CSMD1: variants seen among roughly 807,000 people sequenced by gnomAD.
The protein encoded by CSMD1 is CUB and sushi domain-containing protein 1.
Under a neutral mutation model 417.5 loss-of-function variants are expected in CSMD1, and 213 were observed. That is an observed-to-expected ratio of 0.51 (90% CI 0.46 to 0.57). CSMD1 has a LOEUF of 0.57. Ranked by LOEUF, CSMD1 falls within the 20% of genes least tolerant of loss-of-function variation. CSMD1 has a pLI of 0.00. For synonymous variants in CSMD1, 2,862 were observed against 1,736.8 expected, an observed-to-expected ratio of 1.65 and a Z score of -16.11; for missense variants, 6,923 against 4,529.7, an observed-to-expected ratio of 1.53 and a Z score of -15.17.
chr8:3,694,453 G>A (rs1431125433), intron 7 of CSMD1, among the ~76,000 whole-genome samples: 1 of 152,160 alleles, frequency 6.6e-6, no homozygotes, highest in East Asian at 1.9e-4. Context: ...GCATACATGA[G>A]TCTGGGAAAG....
At chr8:4,578,823 A>AC (rs1180410396) in intron 2 of CSMD1, among the ~76,000 whole-genome samples, 12 of 150,728 alleles carry the variant, frequency 8.0e-5, no homozygotes, top group East Asian at 2.0e-4. Context: ...CAAAAAAAAA[A>AC]AAAAAACAAA....
At chr8:4,296,715 T>C (rs980228348) in intron 3 of CSMD1, among the ~76,000 whole-genome samples, 2 of 149,954 alleles carry the variant, frequency 1.3e-5, no homozygotes, top group Non-Finnish European at 1.5e-5. Context: ...TTTTTTTTTT[T>C]CTCCAGGGCT....
At chr8:4,320,934 C>G (rs1405338779) in intron 3 of CSMD1, among the ~76,000 whole-genome samples, 2 of 152,134 alleles carry the variant, frequency 1.3e-5, no homozygotes, top group African/African-American at 4.8e-5. Context: ...ATCCTCTCCT[C>G]CCAGTGTGAG....
chr8:3,178,888 A>G (rs1821108718), intron 37 of CSMD1, among the ~76,000 whole-genome samples: 1 of 152,118 alleles, frequency 6.6e-6, no homozygotes, highest in Admixed American at 6.5e-5. Flanking sequence ...CAGTCCTGAT[A>G]CCATTTGACG....
chr8:4,370,959 G>A (rs1243005381), intron 3 of CSMD1, among the ~76,000 whole-genome samples: 1 of 152,144 alleles, frequency 6.6e-6, no homozygotes, highest in Non-Finnish European at 1.5e-5. Flanking sequence ...ATCCATTGCT[G>A]GCGAGCTAGT....
At chr8:3,967,247 T>C (rs76509745) in intron 5 of CSMD1, among the ~76,000 whole-genome samples, 4,506 of 151,194 alleles carry the variant, frequency 0.03, 78 homozygotes, top group South Asian at 0.048. Flanking sequence ...TCTGATCTAA[T>C]TCTTCTGCTT....
rs547291083 is a variant in CSMD1 at position 4,564,141 on chromosome 8, C to T, written c.302+73201G>A. ...ATATTTATATTCTATAAAATGAACA[C>T]GTATAAAAGGTTCAGAAGATAATGG... On this transcript the variant is annotated intron_variant, in intron 2 of 69. Transcript: ENST00000635120. Among the ~76,000 whole-genome samples, 14 of 152,216 alleles carry T rather than the reference C, an allele frequency of 9.2e-5. 1 individual carries two copies. The highest frequency in any genetic ancestry group is 4.1e-4 in the South Asian group (2 of 4,828).
chr8:3,185,315 G>A (rs1339011536), intron 36 of CSMD1, among the ~76,000 whole-genome samples: 1 of 152,212 alleles, frequency 6.6e-6, no homozygotes, highest in East Asian at 1.9e-4. Context: ...TAATAAAAAG[G>A]AGATTGTTGT....
intron 5 of CSMD1, among the ~76,000 whole-genome samples, chr8:3,906,105 C>T (rs1808090346): frequency 6.6e-6 from 1 of 152,150 alleles, no homozygotes; most frequent in African/African-American, 2.4e-5. Context: ...ATGCTAACCT[C>T]AGAGTTGCTG....
chr8:3,376,640 T>C (rs1810323743), intron 18 of CSMD1, among the ~76,000 whole-genome samples: 1 of 152,140 alleles, frequency 6.6e-6, no homozygotes, highest in Non-Finnish European at 1.5e-5. Flanking sequence ...CGTTTGTCTT[T>C]CACAAAATTA....
intron 3 of CSMD1, among the ~76,000 whole-genome samples, chr8:4,062,060 G>T (rs954509754): frequency 2.0e-5 from 3 of 152,140 alleles, no homozygotes; most frequent in African/African-American, 7.2e-5. Flanking sequence ...GCCAGCTGCC[G>T]TGGTGGAGCC....
At chr8:4,547,376 A>C (rs181967240) in intron 2 of CSMD1, among the ~76,000 whole-genome samples, 1 of 152,226 alleles carries the variant, frequency 6.6e-6, no homozygotes, top group African/African-American at 2.4e-5. Flanking sequence ...ATCTGAAAAT[A>C]TTACTTTCTT....
chr8:4,615,738 T>C (rs1229545898), intron 2 of CSMD1, among the ~76,000 whole-genome samples: 4 of 152,162 alleles, frequency 2.6e-5, no homozygotes, highest in African/African-American at 9.7e-5. Flanking sequence ...GATCCCCAAA[T>C]ATAAAAATAA....
chr8:3,654,666 CTAAG>C (rs1444690946), intron 7 of CSMD1, among the ~76,000 whole-genome samples: 1 of 152,166 alleles, frequency 6.6e-6, no homozygotes, highest in Non-Finnish European at 1.5e-5. Context: ...TTGTGATATG[CTAAG>C]TAAGACTGGC....
chr8:4,048,615 C>G (rs1189117684), intron 3 of CSMD1, among the ~76,000 whole-genome samples: 1 of 152,200 alleles, frequency 6.6e-6, no homozygotes, highest in Admixed American at 6.5e-5. Context: ...ACACACCAAA[C>G]AGGTAATTCT....
intron 5 of CSMD1, among the ~76,000 whole-genome samples, chr8:3,835,778 C>A (rs575292365): frequency 6.6e-6 from 1 of 150,930 alleles, no homozygotes; most frequent in Non-Finnish European, 1.5e-5. Flanking sequence ...ATTTGGCTAA[C>A]TCTGGGTGAT....
At chr8:3,933,746 G>A (rs149541902) in intron 5 of CSMD1, among the ~76,000 whole-genome samples, 5 of 152,118 alleles carry the variant, frequency 3.3e-5, no homozygotes, top group Admixed American at 6.6e-5. Context: ...GAGAAATGAG[G>A]TGAGATTTAT....
chr8:4,964,768 T>A (rs530905666), intron 1 of CSMD1, among the ~76,000 whole-genome samples: 1 of 152,154 alleles, frequency 6.6e-6, no homozygotes, highest in Non-Finnish European at 1.5e-5. Context: ...TGACAAAAAC[T>A]CATTTTGTGA....
intron 5 of CSMD1, among the ~76,000 whole-genome samples, chr8:3,996,302 G>C (rs918925196): frequency 4.6e-5 from 7 of 152,104 alleles, no homozygotes; most frequent in African/African-American, 1.7e-4. Context: ...CTGAGAATGA[G>C]TCCCTATATA....
Sources: allele counts gnomAD v4.1 joint callset (sites outside exome capture counted in the v4.1 genomes callset), GRCh38; gene constraint gnomAD v4.1.1; transcripts MANE v1.5; gene names NCBI Gene and HGNC (gene_info 2026-07-23, HGNC 2026-07-21).